ITGB1: variants seen among roughly 807,000 people sequenced by gnomAD.
The protein encoded by ITGB1 is integrin beta-1.
ITGB1 carries 24 observed loss-of-function variants against 86.5 expected under a neutral mutation model. That is an observed-to-expected ratio of 0.28 (90% confidence interval 0.20 to 0.39). ITGB1 has a LOEUF of 0.39. Among genes scored for constraint, ITGB1 ranks in the 10% least tolerant of loss-of-function variants. The pLI is 1.00. For missense variants in ITGB1, 556 were observed against 946.9 expected, an observed-to-expected ratio of 0.59 and a Z score of 5.42; for synonymous variants, 323 against 316.8, an observed-to-expected ratio of 1.02 and a Z score of -0.21.
rs142882404 is a variant in ITGB1, at chr10:32,929,618, A to G, written c.376+204T>C. 2.5e-3 allele frequency among the ~76,000 whole-genome samples: 385 copies of G among 152,342 alleles called. 3 individuals are homozygous for G. The highest frequency in any genetic ancestry group is 8.9e-3 in the African/African-American group (368 of 41,576). On this transcript the variant is annotated intron_variant, in intron 4 of 15. Transcript: ENST00000302278. Reference sequence around the variant, plus strand: ...ACAAAATTTACTTTGAATATTAGGCAACATTTAATATTATTCCAAGTAAAT... The same window carrying G: ...ACAAAATTTACTTTGAATATTAGGCGACATTTAATATTATTCCAAGTAAAT...
At chr10:32,937,024 T>C (rs1478161956) in intron 1 of ITGB1, among the ~76,000 whole-genome samples, 6 of 152,132 alleles carry the variant, frequency 3.9e-5, no homozygotes, top group African/African-American at 1.4e-4. Flanking sequence ...AATTTGACAA[T>C]TTATATCAAA....
At chr10:32,909,973 C>T (rs565569496) in intron 14 of ITGB1, among the ~76,000 whole-genome samples, 2 of 152,242 alleles carry the variant, frequency 1.3e-5, no homozygotes, top group Admixed American at 1.3e-4. Flanking sequence ...ATATAAATCA[C>T]TAAGCGTCTT....
intron 1 of ITGB1, among the ~76,000 whole-genome samples, chr10:32,937,434 T>C (rs774654738): frequency 6.6e-6 from 1 of 151,592 alleles, no homozygotes; most frequent in Non-Finnish European, 1.5e-5. Flanking sequence ...CATACTCCTG[T>C]AATCCCAGCT....
At chr10:32,951,631 T>A (rs2137267574) in intron 1 of ITGB1, 1 of 152,346 alleles carries the variant, frequency 6.6e-6, no homozygotes, top group East Asian at 1.9e-4. Context: ...CGAACTTAAT[T>A]CTTCCCAGCT....
At chr10:32,917,992 C>CA (rs1464613332) in intron 11 of ITGB1, among the ~76,000 whole-genome samples, 2 of 152,144 alleles carry the variant, frequency 1.3e-5, no homozygotes, top group Non-Finnish European at 2.9e-5. Flanking sequence ...GGCACATATA[C>CA]AACATGGAAT....
intron 15 of ITGB1, among the ~76,000 whole-genome samples, chr10:32,907,978 T>C (rs568872381): frequency 2.0e-5 from 3 of 152,242 alleles, no homozygotes; most frequent in Non-Finnish European, 4.4e-5. Context: ...CTTTTGAATC[T>C]GGCTTTCACT....
intron 1 of ITGB1, among the ~76,000 whole-genome samples, chr10:32,937,805 T>C (rs2095007748): frequency 6.6e-6 from 1 of 152,216 alleles, no homozygotes; most frequent in East Asian, 1.9e-4. Context: ...TGTAGCACAA[T>C]TTAACTGTGC....
chr10:32,905,639 C>A (rs1003000027), intron 15 of ITGB1, among the ~76,000 whole-genome samples: 1 of 152,180 alleles, frequency 6.6e-6, no homozygotes, highest in Non-Finnish European at 1.5e-5. Context: ...ACTAACCAGC[C>A]GTGGGAACTC....
At chr10:32,951,238 A>T (rs1269020612) in intron 1 of ITGB1, among the ~76,000 whole-genome samples, 1 of 152,190 alleles carries the variant, frequency 6.6e-6, no homozygotes, top group Non-Finnish European at 1.5e-5. Flanking sequence ...AAGTCGAGGA[A>T]AAGTAAACAG....
intron 1 of ITGB1, among the ~76,000 whole-genome samples, chr10:32,937,240 G>A (rs1013279145): frequency 2.0e-5 from 3 of 152,188 alleles, no homozygotes; most frequent in African/African-American, 7.2e-5. Flanking sequence ...ATTAGTCATT[G>A]CAATAATAAA....
At chr10:32,929,302 A>T (rs2094975598) in intron 4 of ITGB1, among the ~76,000 whole-genome samples, 1 of 152,104 alleles carries the variant, frequency 6.6e-6, no homozygotes, top group Non-Finnish European at 1.5e-5. Context: ...GACCTGGTTG[A>T]GGAGGGGCCG....
At chr10:32,924,738 A>C (rs1374092336) in intron 6 of ITGB1, among the ~76,000 whole-genome samples, 2 of 152,230 alleles carry the variant, frequency 1.3e-5, no homozygotes, top group Non-Finnish European at 2.9e-5. Flanking sequence ...ACTACCTGGA[A>C]TGCTACTTGC....
intron 15 of ITGB1, chr10:32,906,529 G>A: frequency 4.5e-6 from 1 of 220,512 alleles, no homozygotes; most frequent in South Asian, 4.5e-5. Flanking sequence ...GTCAGAGGTT[G>A]CAGTGAGCTG....
intron 6 of ITGB1, among the ~76,000 whole-genome samples, chr10:32,924,526 G>C (rs2094959055): frequency 6.6e-6 from 1 of 152,162 alleles, no homozygotes; most frequent in Non-Finnish European, 1.5e-5. Context: ...TTCAAAAGTG[G>C]AATGTCTGAT....
chr10:32,944,638 T>C, intron 1 of ITGB1: 1 of 615,230 alleles, frequency 1.6e-6, no homozygotes, highest in East Asian at 3.7e-5. Flanking sequence ...TCACTTAGTA[T>C]AGCTAGCTGT....
intron 2 of ITGB1, among the ~76,000 whole-genome samples, chr10:32,934,582 G>A (rs2094994778): frequency 6.6e-6 from 1 of 152,124 alleles, no homozygotes; most frequent in African/African-American, 2.4e-5. Context: ...GTGCTTTAAT[G>A]TTAAAAAACT....
intron 1 of ITGB1, among the ~76,000 whole-genome samples, chr10:32,956,565 G>A (rs2095052688): frequency 1.3e-5 from 2 of 151,886 alleles, no homozygotes; most frequent in Admixed American, 6.6e-5. Context: ...AAAATTAGCC[G>A]GGCACGGTGG....
Position 32,935,512 on chromosome 10 carries a change from C to T in ITGB1, c.47G>A (p.Cys16Tyr), listed in dbSNP as rs1274633392. The change falls in exon 2 of 16, where the codon TGC (cysteine) becomes TAC (tyrosine). Residue 16 changes from cysteine to tyrosine, a missense_variant. Transcript: ENST00000302278. The part of the protein sequence containing the change: ...IFWIGLISSV[C>Y]CVFAQTDENR... ...TTTACCTGTTTGAGCAAACACACAG[C>T]AAACTGAACTGATCAGTCCAATCCA... The T allele has an allele frequency of 6.2e-7, 1 of 1,613,292 alleles. No individual in the cohort carries two copies. The highest frequency in any genetic ancestry group is 8.5e-7 in the Non-Finnish European group (1 of 1,179,474).
chr10:32,907,170 G>A (rs761136707), intron 15 of ITGB1: 3 of 994,190 alleles, frequency 3.0e-6, no homozygotes, highest in Admixed American at 2.1e-5. Flanking sequence ...AGTTTCTAAT[G>A]ATTTCATCAG....
Sources: gnomAD v4.1 joint callset for allele counts (sites outside exome capture counted in the v4.1 genomes callset) on GRCh38, gnomAD v4.1.1 for gene constraint, MANE v1.5 for transcripts, NCBI Gene and HGNC (gene_info 2026-07-23, HGNC 2026-07-21) for gene names.